Variants in CALML4 observed in about 807,000 individuals in gnomAD.
CALML4 encodes calmodulin like 4.
A neutral mutation model predicts 17.9 loss-of-function variants in CALML4; 16 were observed. The ratio of observed to expected loss-of-function variants is 0.89; its 90% CI spans 0.61 to 1.36. The LOEUF (loss-of-function observed/expected upper bound fraction) is 1.36. CALML4 is among the 40% of genes most tolerant of loss of function. The probability of loss-of-function intolerance (pLI) is 0.00; values close to 1 mark genes in which losing one functional copy is unlikely to be tolerated. For synonymous variants in CALML4, 86 were observed against 71.5 expected, an observed-to-expected ratio of 1.20 and a Z score of -1.02; for missense variants, 203 against 194.8, an observed-to-expected ratio of 1.04 and a Z score of -0.25.
chr15:68,201,817 G>T (rs79806839), intron 2 of CALML4, among the ~76,000 whole-genome samples: 1 of 152,176 alleles, frequency 6.6e-6, no homozygotes, highest in African/African-American at 2.4e-5. Flanking sequence ...AAGACAACAG[G>T]GTGCTGGAGA....
At chr15:68,202,804 C>T (rs1416728058) in intron 2 of CALML4, among the ~76,000 whole-genome samples, 2 of 132,162 alleles carry the variant, frequency 1.5e-5, no homozygotes, top group Admixed American at 7.3e-5. Flanking sequence ...CCACCATGAC[C>T]GGCTTTTTTT....
At chr15:68,195,732 C>T (rs1046025777) in intron 4 of CALML4, among the ~76,000 whole-genome samples, 4 of 152,292 alleles carry the variant, frequency 2.6e-5, no homozygotes, top group Non-Finnish European at 5.9e-5. Context: ...ATCATTCTTC[C>T]CATCTCCCGT....
rs1376440157 is a variant in CALML4 at position 68,204,198 on chromosome 15, G to T, written c.34+923C>A. Among the ~76,000 whole-genome samples, 1 of 152,156 alleles carries T rather than the reference G, an allele frequency of 6.6e-6. No individual in the cohort carries two copies. The highest frequency in any genetic ancestry group is 1.5e-5 in the Non-Finnish European group (1 of 68,028). On this transcript the variant is annotated intron_variant, in intron 2 of 4. Coordinates refer to ENST00000467889, the MANE Select transcript of CALML4 (RefSeq NM_033429.3). The surrounding 1 kb of genome is among the most constrained non-coding windows in gnomAD (Gnocchi z 6.0). ...CAAGCTCAGAATACCCAGAACTCTG[G>T]AACTCCTGCCCAGGTAACCCTAACC...
chr15:68,205,224 GAC>G lies in CALML4; in HGVS notation c.3+19_3+20del, dbSNP rs1491262669. 1 of 1,614,122 alleles carries G rather than the reference GAC, an allele frequency of 6.2e-7. No individual in the cohort carries two copies. The highest frequency in any genetic ancestry group is 1.1e-5 in the South Asian group (1 of 91,070). ...TCACGCCCCCAGCCCTGGCCAGGCC[GAC>G]ACAGACCCTCACACTCACCATTCTG... On this transcript the variant is annotated intron_variant, in intron 1 of 4. Transcript: ENST00000467889. This position sits in a 1 kb window ranked among gnomAD's most constrained non-coding sequence, Gnocchi z 4.8.
intron 4 of CALML4, among the ~76,000 whole-genome samples, chr15:68,196,286 G>T (rs2093144233): frequency 6.6e-6 from 1 of 152,222 alleles, no homozygotes; most frequent in African/African-American, 2.4e-5. Context: ...CTTAATGGCA[G>T]TAGCTAAAAT....
chr15:68,195,739 C>T (rs941986779), intron 4 of CALML4, among the ~76,000 whole-genome samples: 1 of 152,202 alleles, frequency 6.6e-6, no homozygotes, highest in Admixed American at 6.5e-5. Flanking sequence ...TTCCCATCTC[C>T]CGTGGCAAGT....
At position 68,205,205 on chromosome 15, in the gene CALML4, C is replaced by T; in HGVS notation, c.3+40G>A. 1 of 1,614,138 alleles carries T rather than the reference C, an allele frequency of 6.2e-7. No homozygotes were observed. Among genetic ancestry groups the T allele is most frequent in the Non-Finnish European group, 8.5e-7 (1 of 1,180,028 alleles). ...GGAGGGCTCCACCTGAGGTTCACGCCCCCAGCCCTGGCCAGGCCGACACAG... is the reference window on the plus strand; with the variant it reads ...GGAGGGCTCCACCTGAGGTTCACGCTCCCAGCCCTGGCCAGGCCGACACAG... On this transcript the variant is annotated intron_variant, in intron 1 of 4. Coordinates refer to ENST00000467889, the MANE Select transcript of CALML4 (RefSeq NM_033429.3). This position sits in a 1 kb window ranked among gnomAD's most constrained non-coding sequence, Gnocchi z 4.8.
intron 3 of CALML4, 121 bp downstream of exon 3, chr15:68,199,420 T>G: frequency 8.9e-7 from 1 of 1,121,654 alleles, no homozygotes. Context: ...CTGCCACAGC[T>G]GGATCCCCAG....
chr15:68,200,664 G>T lies in CALML4; in HGVS notation c.35-983C>A, dbSNP rs74020075. Among the ~76,000 whole-genome samples, 1 of 152,050 alleles carries T rather than the reference G, an allele frequency of 6.6e-6. No individual in the cohort carries two copies. Among genetic ancestry groups the T allele is most frequent in the Non-Finnish European group, 1.5e-5 (1 of 67,974 alleles). ...GGCACCCGGGCCTGTGGGTGGAGCC[G>T]TGGAAACACAGTGGCCTGGCGCTGG... On this transcript the variant is annotated intron_variant, in intron 2 of 4. Transcript: ENST00000467889. This position sits in a 1 kb window ranked among gnomAD's most constrained non-coding sequence, Gnocchi z 4.3.
At position 68,191,376 on chromosome 15, in the gene CALML4, C is replaced by T. The variant is rs1027685767; in HGVS notation, c.*2639G>A. The stretch of plus-strand genomic sequence containing the variant: ...AAGTACCAAGTGAAAATATTTATTA[C>T]ATGCATTGGAAAAAAATTGTTTACC... On this transcript the variant is annotated 3_prime_UTR_variant, in exon 5 of 5. Transcript: ENST00000467889. The T allele has an allele frequency of 9.2e-5, 14 of 152,610 alleles. No homozygotes were observed. The highest frequency in any genetic ancestry group is 3.4e-4 in the African/African-American group (14 of 41,448). 9.5% of individuals were successfully genotyped at this position (152,610 alleles called of 1,614,324 possible). A position where few individuals can be genotyped will look rare whatever the true frequency, so the allele number is the denominator to read the frequency against.
At position 68,197,841 on chromosome 15, in the gene CALML4, C is replaced by T. The variant is rs778503228; in HGVS notation, c.176-213G>A. 22 of 546,060 alleles carry T rather than the reference C, an allele frequency of 4.0e-5. 1 individual carries two copies. The highest frequency in any genetic ancestry group is 2.4e-4 in the South Asian group (10 of 41,798). The allele number at this position is 546,060 out of a possible 1,614,324, so 33.8% of individuals were successfully genotyped here. ...GACTGGACATTCTTCATTTCAGCAA[C>T]GTCCTCAGTGACGATGCTTATCATC... On this transcript the variant is annotated intron_variant, in intron 3 of 4. Coordinates refer to ENST00000467889, the MANE Select transcript of CALML4 (RefSeq NM_033429.3). This position sits in a 1 kb window ranked among gnomAD's most constrained non-coding sequence, Gnocchi z 4.1.
Position 68,200,245 on chromosome 15 carries a change from T to C in CALML4, c.35-564A>G, listed in dbSNP as rs933575187. 9.2e-5 allele frequency among the ~76,000 whole-genome samples: 14 copies of C among 152,190 alleles called. No homozygotes were observed. The highest frequency in any genetic ancestry group is 7.8e-4 in the Admixed American group (12 of 15,288). ...GGCCTGCCAGAGAGTGGCCTTCATATGATGATATTATCATCATCATCAGAG... is the reference window on the plus strand; with the variant it reads ...GGCCTGCCAGAGAGTGGCCTTCATACGATGATATTATCATCATCATCAGAG... On this transcript the variant is annotated intron_variant, in intron 2 of 4. Transcript: ENST00000467889. This position sits in a 1 kb window ranked among gnomAD's most constrained non-coding sequence, Gnocchi z 4.3.
chr15:68,195,711 C>G (rs1332733583), intron 4 of CALML4, among the ~76,000 whole-genome samples: 1 of 152,186 alleles, frequency 6.6e-6, no homozygotes, highest in East Asian at 1.9e-4. Flanking sequence ...AAAAGGATTC[C>G]TGCTGCTGGT....
chr15:68,197,867 A>T lies in CALML4; in HGVS notation c.176-239T>A. 2.1e-6 allele frequency: 1 copy of T among 484,366 alleles called. No homozygotes were observed. The highest frequency in any genetic ancestry group is 2.8e-5 in the South Asian group (1 of 35,778). 30.0% of individuals were successfully genotyped at this position (484,366 alleles called of 1,614,324 possible). On this transcript the variant is annotated intron_variant, in intron 3 of 4. Transcript: ENST00000467889. This position sits in a 1 kb window ranked among gnomAD's most constrained non-coding sequence, Gnocchi z 4.1. ...GTCCTCAGTGACGATGCTTATCATC[A>T]CCCCAAAGCTCAAGAAAGTGGGTTC...
In CALML4 at chr15:68,205,261, C is replaced by A; in HGVS notation, c.-14G>T. On this transcript the variant is annotated 5_prime_UTR_variant, in exon 1 of 5. Transcript: ENST00000467889. The surrounding 1 kb of genome is among the most constrained non-coding windows in gnomAD (Gnocchi z 4.8). ...CACACTCACCATTCTGGGGCCTCGG[C>A]TGCTACCCGTGGGCTTGCTGCTCCC... 2 of 1,614,142 alleles carry A rather than the reference C, an allele frequency of 1.2e-6. No homozygotes were observed. The highest frequency in any genetic ancestry group is 1.7e-6 in the Non-Finnish European group (2 of 1,180,024).
In CALML4 at chr15:68,200,172, G is replaced by A. The variant is rs2093160910; in HGVS notation, c.35-491C>T. On this transcript the variant is annotated intron_variant, in intron 2 of 4. Coordinates refer to ENST00000467889, the MANE Select transcript of CALML4 (RefSeq NM_033429.3). This position sits in a 1 kb window ranked among gnomAD's most constrained non-coding sequence, Gnocchi z 4.3. ...TGCAAACACAACTTTTCTGGACAAT[G>A]GGAATAATAAGGCCTCAGGATTACT... 6.6e-6 allele frequency among the ~76,000 whole-genome samples: 1 copy of A among 152,206 alleles called. No homozygotes were observed. Among genetic ancestry groups the A allele is most frequent in the Non-Finnish European group, 1.5e-5 (1 of 68,044 alleles).
At chr15:68,203,980 G>A (rs1449331574) in intron 2 of CALML4, among the ~76,000 whole-genome samples, 1 of 152,186 alleles carries the variant, frequency 6.6e-6, no homozygotes, top group Non-Finnish European at 1.5e-5. Flanking sequence ...GGAGGATGCT[G>A]AGGCTGAAGG....
At chr15:68,199,461 G>A (rs978386748) in intron 3 of CALML4, 80 bp downstream of exon 3, 21 of 1,452,362 alleles carry the variant, frequency 1.4e-5, no homozygotes, top group Non-Finnish European at 1.8e-5. Context: ...CCCTCAAACT[G>A]CTGAGCTTTT....
chr15:68,194,384 CTTTTT>C (rs56240648), intron 4 of CALML4, among the ~76,000 whole-genome samples: 9 of 141,060 alleles, frequency 6.4e-5, no homozygotes, highest in Non-Finnish European at 1.1e-4. Context: ...CCACCGTGTG[CTTTTT>C]TTTTTTTTTT....
Sources: gnomAD v4.1 joint callset for allele counts (sites outside exome capture counted in the v4.1 genomes callset) on GRCh38, gnomAD v4.1.1 for gene constraint, Gnocchi (gnomAD v3.1) non-coding constraint, MANE v1.5 for transcripts, NCBI Gene and HGNC (gene_info 2026-07-23, HGNC 2026-07-21) for gene names.